The following PTPRK variants were observed in gnomAD, a reference collection of about 807,000 sequenced individuals.
PTPRK encodes the protein receptor-type tyrosine-protein phosphatase kappa.
In PTPRK, 75 loss-of-function variants were observed where a neutral mutation model predicts 178.0. The observed-to-expected ratio is 0.42, with a 90% CI of 0.35 to 0.51. The LOEUF (loss-of-function observed/expected upper bound fraction) is 0.51. Ranked by LOEUF, PTPRK falls within the 20% of genes least tolerant of loss-of-function variation. The pLI is 0.02. For synonymous variants in PTPRK, 637 were observed against 620.6 expected (o/e 1.03, Z -0.39); for missense variants, 1,441 against 1,797.8 (o/e 0.80, Z 3.59).
chr6:128,372,680 T>C (rs905153760), intron 2 of PTPRK, among the ~76,000 whole-genome samples: 1 of 152,108 alleles, frequency 6.6e-6, no homozygotes, highest in Admixed American at 6.6e-5. Flanking sequence ...TGATTTTCAT[T>C]ATGTTGTATT....
intron 2 of PTPRK, among the ~76,000 whole-genome samples, chr6:128,354,231 G>GATTTTTTTTT (rs1562341681): frequency 4.1e-5 from 2 of 49,358 alleles, no homozygotes; most frequent in Admixed American, 4.0e-4. Flanking sequence ...TTTTGTTTAT[G>GATTTTTTTTT]TTTTTTTTTT....
At chr6:128,472,525 T>A (rs895066694) in intron 1 of PTPRK, among the ~76,000 whole-genome samples, 1 of 151,124 alleles carries the variant, frequency 6.6e-6, no homozygotes, top group Non-Finnish European at 1.5e-5. Flanking sequence ...CACAAAGAAC[T>A]CCTGAATATC....
At chr6:128,299,763 A>C (rs1825230011) in intron 3 of PTPRK, among the ~76,000 whole-genome samples, 1 of 152,216 alleles carries the variant, frequency 6.6e-6, no homozygotes. Context: ...TAAAACCATA[A>C]AAACCCCAGA....
At chr6:128,098,200 A>T (rs1788213122) in intron 7 of PTPRK, among the ~76,000 whole-genome samples, 1 of 152,146 alleles carries the variant, frequency 6.6e-6, no homozygotes, top group Admixed American at 6.6e-5. Context: ...GAAACCTAAA[A>T]ACCCAGTTCT....
chr6:127,983,797 C>T (rs1775629682), intron 22 of PTPRK, among the ~76,000 whole-genome samples: 1 of 152,100 alleles, frequency 6.6e-6, no homozygotes, highest in Admixed American at 6.6e-5. Flanking sequence ...AGAATGTTGG[C>T]TCACTCACTG....
chr6:128,211,631 C>T (rs1027719038), intron 6 of PTPRK, among the ~76,000 whole-genome samples: 1 of 152,020 alleles, frequency 6.6e-6, no homozygotes, highest in African/African-American at 2.4e-5. Context: ...TTCTTAGTAA[C>T]AGTCAGGTTC....
chr6:128,210,256 A>C lies in PTPRK; in HGVS notation c.868+8666T>G, dbSNP rs78057479. Among the ~76,000 whole-genome samples, 1,339 of 152,168 alleles carry C rather than the reference A, an allele frequency of 8.8e-3. 12 individuals are homozygous for C. Among genetic ancestry groups the C allele is most frequent in the African/African-American group, 0.031 (1,284 of 41,506 alleles). ...AGACATACAGATTTCTATTCACTGC[A>C]TTTCCAACAGCACAAAAATCTTTGA... On this transcript the variant is annotated intron_variant, in intron 6 of 29. Transcript: ENST00000368226.
chr6:128,073,407 C>CAGAGTG (rs1456825343), intron 11 of PTPRK, among the ~76,000 whole-genome samples: 1 of 151,824 alleles, frequency 6.6e-6, no homozygotes, highest in Non-Finnish European at 1.5e-5. Flanking sequence ...GATGGGAATG[C>CAGAGTG]AGAGTGCTAT....
At chr6:128,052,654 C>T (rs181411268) in intron 13 of PTPRK, among the ~76,000 whole-genome samples, 21 of 152,258 alleles carry the variant, frequency 1.4e-4, no homozygotes, top group African/African-American at 4.6e-4. Flanking sequence ...ATACTGTTCA[C>T]CTTCATCATT....
chr6:128,397,496 C>T, intron 2 of PTPRK, 70 bp downstream of exon 2: 1 of 1,559,644 alleles, frequency 6.4e-7, no homozygotes, highest in Non-Finnish European at 8.8e-7. Flanking sequence ...TGTTGTTACA[C>T]TTTAAATAAG....
intron 9 of PTPRK, among the ~76,000 whole-genome samples, chr6:128,083,321 C>T (rs1012677171): frequency 2.0e-5 from 3 of 151,934 alleles, no homozygotes; most frequent in African/African-American, 7.2e-5. Context: ...TTATTCCTTA[C>T]TCTGAAACAA....
At chr6:128,039,792 C>T (rs1411096212) in intron 13 of PTPRK, among the ~76,000 whole-genome samples, 1 of 152,112 alleles carries the variant, frequency 6.6e-6, no homozygotes, top group Non-Finnish European at 1.5e-5. Context: ...GGTGTGATGC[C>T]TTCCCTCCTA....
At chr6:128,111,364 A>G (rs1416450531) in intron 7 of PTPRK, among the ~76,000 whole-genome samples, 1 of 152,164 alleles carries the variant, frequency 6.6e-6, no homozygotes, top group Non-Finnish European at 1.5e-5. Flanking sequence ...CAGTAACTAA[A>G]TATCTGCTAG....
intron 8 of PTPRK, chr6:128,085,232 T>A (rs1562555716): frequency 6.6e-6 from 1 of 152,256 alleles, no homozygotes; most frequent in African/African-American, 2.4e-5. Flanking sequence ...AGAAGTTAAC[T>A]GAATGCATCC....
At chr6:128,181,904 C>A (rs1801971134) in intron 7 of PTPRK, among the ~76,000 whole-genome samples, 1 of 152,024 alleles carries the variant, frequency 6.6e-6, no homozygotes, top group African/African-American at 2.4e-5. Flanking sequence ...ACAATATATA[C>A]TTCCATAAGC....
chr6:127,991,988 C>A (rs564356170), intron 19 of PTPRK, among the ~76,000 whole-genome samples: 7 of 151,846 alleles, frequency 4.6e-5, no homozygotes, highest in Admixed American at 3.9e-4. Flanking sequence ...TGTGAAAACA[C>A]AGAAAAATGA....
chr6:128,425,671 C>T (rs1844046306), intron 1 of PTPRK, among the ~76,000 whole-genome samples: 1 of 152,044 alleles, frequency 6.6e-6, no homozygotes, highest in Admixed American at 6.5e-5. Context: ...TGGATGCATC[C>T]CTACAAATCT....
chr6:128,261,524 G>A (rs1342725295), intron 3 of PTPRK, among the ~76,000 whole-genome samples: 2 of 152,078 alleles, frequency 1.3e-5, no homozygotes, highest in Non-Finnish European at 2.9e-5. Context: ...CTAGCCAGAT[G>A]TCTATAGTTA....
At chr6:128,073,927 G>C (rs1783293392) in intron 11 of PTPRK, among the ~76,000 whole-genome samples, 1 of 151,992 alleles carries the variant, frequency 6.6e-6, no homozygotes, top group Admixed American at 6.6e-5. Context: ...ATAGTGGTTA[G>C]GAAAATTAGA....
Sources: allele counts gnomAD v4.1 joint callset (sites outside exome capture counted in the v4.1 genomes callset), GRCh38; gene constraint gnomAD v4.1.1; transcripts MANE v1.5; gene names NCBI Gene and HGNC (gene_info 2026-07-23, HGNC 2026-07-21).